Variants in TXLNG observed in about 807,000 individuals in gnomAD.
The protein encoded by TXLNG is taxilin gamma.
A neutral mutation model predicts 38.8 loss-of-function variants in TXLNG; 5 were observed. The observed-to-expected ratio is 0.13, with a 90% CI of 0.07 to 0.27. The LOEUF (loss-of-function observed/expected upper bound fraction) is 0.27. Among genes scored for constraint, TXLNG ranks in the 10% least tolerant of loss-of-function variants. TXLNG has a pLI of 1.00. For synonymous variants in TXLNG, 182 were observed against 158.2 expected, an observed-to-expected ratio of 1.15 and a Z score of -1.13; for missense variants, 393 against 398.2, an observed-to-expected ratio of 0.99 and a Z score of 0.11.
chrX:16,813,882 C>G (rs1047276300), intron 1 of TXLNG, among the ~76,000 whole-genome samples: 1 of 110,864 alleles, frequency 9.0e-6, no homozygotes, highest in East Asian at 2.8e-4. Flanking sequence ...GTCAGGAGAT[C>G]GAGACCATCC....
chrX:16,801,113 C>T (rs1482018057), intron 1 of TXLNG, among the ~76,000 whole-genome samples: 1 of 112,881 alleles, frequency 8.9e-6, no homozygotes, highest in Admixed American at 9.3e-5. Flanking sequence ...CAGCGCCATG[C>T]TTCCTGTACA....
chrX:16,835,372 C>T (rs1458839283), intron 7 of TXLNG, among the ~76,000 whole-genome samples: 1 of 111,491 alleles, frequency 9.0e-6, no homozygotes, highest in Non-Finnish European at 1.9e-5. Flanking sequence ...GCTAGCCTAA[C>T]TTAGAGTGAA....
Position 16,820,224 on chromosome X carries a change from T to C in TXLNG, c.467T>C (p.Leu156Pro). The C allele has an allele frequency of 8.3e-7, 1 of 1,210,084 alleles. No individual in the cohort carries two copies. The highest frequency in any genetic ancestry group is 1.1e-6 in the Non-Finnish European group (1 of 894,429). ...LNTLSTPEEK[L>P]AALCKKYADL... Reference sequence around the variant, plus strand: ...ACCCTTTCAACCCCAGAGGAGAAGCTGGCAGCTCTCTGTAAGAAATATGCT... The same window carrying C: ...ACCCTTTCAACCCCAGAGGAGAAGCCGGCAGCTCTCTGTAAGAAATATGCT... The change falls in exon 3 of 10, where the codon CTG becomes CCG. Residue 156 changes from leucine to proline, a missense_variant. By Grantham distance (98) the Leu-to-Pro change is moderately conservative. Transcript: ENST00000380122.
At chrX:16,807,359 C>CT (rs1245485153) in intron 1 of TXLNG, among the ~76,000 whole-genome samples, 1 of 111,995 alleles carries the variant, frequency 8.9e-6, no homozygotes, top group Non-Finnish European at 1.9e-5. Context: ...TGACTTTGAA[C>CT]TTGCATTTTC....
At chrX:16,815,294 G>A (rs905051815) in intron 1 of TXLNG, among the ~76,000 whole-genome samples, 2 of 110,255 alleles carry the variant, frequency 1.8e-5, no homozygotes, top group Non-Finnish European at 1.9e-5. Context: ...TCCTGCCTCA[G>A]CCTCCCGAGT....
intron 1 of TXLNG, 58 bp from the exon 2 acceptor site, chrX:16,818,516 T>C (rs910233520): frequency 4.0e-5 from 45 of 1,126,491 alleles, no homozygotes; most frequent in Non-Finnish European, 5.1e-5. Context: ...CTTGTAAACA[T>C]TGATTACATT....
intron 1 of TXLNG, among the ~76,000 whole-genome samples, chrX:16,792,236 C>T (rs1927727015): frequency 1.8e-5 from 2 of 111,871 alleles, no homozygotes; most frequent in Admixed American, 1.9e-4. Flanking sequence ...CAGAAACAAA[C>T]TTGCTTGAAT....
chrX:16,814,966 A>G (rs1223583564), intron 1 of TXLNG, among the ~76,000 whole-genome samples: 1 of 112,027 alleles, frequency 8.9e-6, no homozygotes, highest in African/African-American at 3.2e-5. Flanking sequence ...AACCAATCTC[A>G]TTCCTCAAGT....
intron 8 of TXLNG, among the ~76,000 whole-genome samples, 168 bp from the exon 9 acceptor site, chrX:16,839,653 C>T (rs1453807503): frequency 9.0e-6 from 1 of 111,120 alleles, no homozygotes; most frequent in African/African-American, 3.3e-5. Flanking sequence ...GCTCTGCTAC[C>T]GACAGGCAGG....
intron 1 of TXLNG, among the ~76,000 whole-genome samples, chrX:16,810,637 G>A (rs1928477504): frequency 8.9e-6 from 1 of 112,049 alleles, no homozygotes; most frequent in South Asian, 3.7e-4. Context: ...CAAGAGAGAA[G>A]GGAAATGTAA....
intron 3 of TXLNG, among the ~76,000 whole-genome samples, chrX:16,824,197 T>TAC (rs538752327): frequency 5.4e-4 from 60 of 111,313 alleles, no homozygotes; most frequent in Middle Eastern, 9.3e-3. Flanking sequence ...CAAGACCCTG[T>TAC]ACACACACAC....
chrX:16,824,740 A>G (rs1030037883), intron 3 of TXLNG, among the ~76,000 whole-genome samples: 1 of 98,013 alleles, frequency 1.0e-5, no homozygotes, highest in African/African-American at 4.0e-5. Flanking sequence ...AATATGGTGA[A>G]AGCCCGTCTC....
Position 16,830,885 on chromosome X carries a change from G to GTA in TXLNG, c.864+1118_864+1119dup, listed in dbSNP as rs1167798469. ...TGTGTGTGTGTGTGTGTGTGTGTGTGTATAGAGACAGTTTCTTGCTAAATT... is the reference window on the plus strand; with the variant it reads ...TGTGTGTGTGTGTGTGTGTGTGTGTGTATATAGAGACAGTTTCTTGCTAAATT... On this transcript the variant is annotated intron_variant, in intron 5 of 9. Transcript: ENST00000380122. Among the ~76,000 whole-genome samples, 72 of 88,788 alleles carry GTA rather than the reference G, an allele frequency of 8.1e-4. 2 individuals are homozygous for GTA. Among genetic ancestry groups the GTA allele is most frequent in the Non-Finnish European group, 1.2e-3 (55 of 44,013 alleles). 77.1% of individuals were successfully genotyped at this position (88,788 alleles called of 115,157 possible).
chrX:16,832,489 G>A (rs1929446885), intron 5 of TXLNG, 134 bp from the exon 6 acceptor site: 1 of 851,123 alleles, frequency 1.2e-6, no homozygotes, highest in Non-Finnish European at 1.7e-6. Flanking sequence ...GACAGAGAGA[G>A]AGCTGGTGTT....
chrX:16,841,546 A>G lies in TXLNG; in HGVS notation c.1367A>G (p.Lys456Arg). The change falls in exon 10 of 10, where the codon AAA (lysine) becomes AGA (arginine). Residue 456 changes from lysine to arginine, a missense_variant. Coordinates refer to ENST00000380122, the MANE Select transcript of TXLNG (RefSeq NM_018360.3). ...NELNEKVEVL[K>R]EQVSIKAAIK... ...CTCAATGAGAAGGTGGAAGTCCTGA[A>G]AGAGCAGGTATCCATCAAAGCGGCC... is the stretch of plus-strand genomic sequence containing the variant. The G allele has an allele frequency of 8.3e-7, 1 of 1,211,931 alleles. No individual in the cohort carries two copies. The highest frequency in any genetic ancestry group is 1.1e-6 in the Non-Finnish European group (1 of 895,583).
intron 1 of TXLNG, among the ~76,000 whole-genome samples, chrX:16,802,519 C>G: frequency 9.1e-6 from 1 of 110,160 alleles, no homozygotes; most frequent in Admixed American, 9.8e-5. Context: ...CCAAAGTGCA[C>G]CTGGCCCCTT....
intron 3 of TXLNG, among the ~76,000 whole-genome samples, chrX:16,824,016 G>C (rs1168171817): frequency 9.0e-6 from 1 of 111,588 alleles, no homozygotes; most frequent in Non-Finnish European, 1.9e-5. Context: ...GCATTTCACA[G>C]AATCTGTAGA....
intron 9 of TXLNG, among the ~76,000 whole-genome samples, chrX:16,841,028 C>G (rs992750802): frequency 9.0e-6 from 1 of 110,663 alleles, no homozygotes; most frequent in African/African-American, 3.3e-5. Flanking sequence ...AACTCCATCT[C>G]TACTAAAAAT....
At chrX:16,801,780 G>A (rs1471177464) in intron 1 of TXLNG, among the ~76,000 whole-genome samples, 1 of 110,422 alleles carries the variant, frequency 9.1e-6, no homozygotes, top group Non-Finnish European at 1.9e-5. Flanking sequence ...CCCATGTCTT[G>A]CATGTATTTT....
Sources: allele counts gnomAD v4.1 joint callset (sites outside exome capture counted in the v4.1 genomes callset), GRCh38; gene constraint gnomAD v4.1.1; transcripts MANE v1.5; gene names NCBI Gene and HGNC (gene_info 2026-07-23, HGNC 2026-07-21).